The following TRARG1 variants were observed in gnomAD, a reference collection of about 807,000 sequenced individuals.
TRARG1 encodes the protein trafficking regulator of GLUT4 1.
TRARG1 carries 16 observed loss-of-function variants against 13.3 expected under a neutral mutation model. The observed-to-expected ratio is 1.20, with a 90% CI of 0.81 to 1.83. The LOEUF (loss-of-function observed/expected upper bound fraction) is 1.83. TRARG1 is among the 40% of genes most tolerant of loss of function. The pLI is 0.00. For synonymous variants in TRARG1, 113 were observed against 106.2 expected (o/e 1.06, Z -0.39); for missense variants, 250 against 237.4 (o/e 1.05, Z -0.35).
chr17:1,280,299 G>C lies in TRARG1; in HGVS notation c.298G>C (p.Ala100Pro). The C allele has an allele frequency of 1.9e-6, 3 of 1,613,970 alleles. No individual in the cohort carries two copies. The highest frequency in any genetic ancestry group is 2.5e-6 in the Non-Finnish European group (3 of 1,179,960). ...CACCTCCTATGCCCAAGACCAAGAA[G>C]CCCCCAGAGATTACCTCATCCTGGC... ...ATTSYAQDQE[A>P]PRDYLILAVV... Residue 100 changes from alanine (A) to proline (P), a missense_variant, in exon 1 of 3, where the codon GCC becomes CCC. Physicochemically the swap from Ala to Pro is conservative, Grantham distance 27 (BLOSUM62 -1). Coordinates refer to ENST00000333813, the MANE Select transcript of TRARG1 (RefSeq NM_172367.3).
rs2071964459 is a variant in TRARG1, at chr17:1,280,355, C to T, written c.354C>T (p.Pro118=). ...AVVACFCPVW[P]LNLIPLIISI... ...TCGCCTGCTTCTGCCCCGTCTGGCC[C>T]CTCAACCTCATCCCCCTCATCATTT... The change falls in exon 1 of 3, where the codon CCC becomes CCT. Residue 118 remains proline, a synonymous_variant. Transcript: ENST00000333813. 6 of 1,609,470 alleles carry T rather than the reference C, an allele frequency of 3.7e-6. No individual in the cohort carries two copies. In the South Asian group the frequency reaches 6.6e-5, roughly 18 times the overall value.
At chr17:1,285,450 C>T (rs1026678138) in intron 1 of TRARG1, among the ~76,000 whole-genome samples, 19 of 150,254 alleles carry the variant, frequency 1.3e-4, no homozygotes, top group African/African-American at 4.2e-4. Context: ...CTCACACCTG[C>T]AATCCCAGCA....
intron 2 of TRARG1, among the ~76,000 whole-genome samples, chr17:1,297,628 G>A (rs1468429100): frequency 7.4e-6 from 1 of 135,576 alleles, no homozygotes; most frequent in Non-Finnish European, 1.5e-5. Flanking sequence ...TCCCCAGACA[G>A]AGTCTTGCTC....
chr17:1,287,448 C>T (rs925897393), intron 1 of TRARG1, among the ~76,000 whole-genome samples: 2 of 151,812 alleles, frequency 1.3e-5, no homozygotes, highest in East Asian at 1.9e-4. Context: ...GCAAGCTCCG[C>T]TTCCCAGGTT....
chr17:1,299,945 C>G lies in TRARG1; in HGVS notation c.*1681C>G, dbSNP rs1048055863. ...GTCTATGCACAGCTGGAGCTCTGAG[C>G]CTTCCACAGCCCGTGTGACTGCTAG... On this transcript the variant is annotated 3_prime_UTR_variant, in exon 3 of 3. Coordinates refer to ENST00000333813, the MANE Select transcript of TRARG1 (RefSeq NM_172367.3). 1 of 152,502 alleles carries G rather than the reference C, an allele frequency of 6.6e-6. No homozygotes were observed. Among genetic ancestry groups the G allele is most frequent in the Non-Finnish European group, 1.5e-5 (1 of 68,318 alleles). The allele number at this position is 152,502 out of a possible 1,614,324, so 9.4% of individuals were successfully genotyped here.
At chr17:1,292,522 C>T (rs1346628204) in intron 1 of TRARG1, among the ~76,000 whole-genome samples, 1 of 152,212 alleles carries the variant, frequency 6.6e-6, no homozygotes. Context: ...CTCCCTCCAT[C>T]AGCCCCAGCA....
Position 1,280,265 on chromosome 17 carries a change from C to T in TRARG1, c.264C>T (p.Ser88=). Residue 88 remains serine (S), a synonymous_variant, in exon 1 of 3, where the codon TCC becomes TCT. Coordinates refer to ENST00000333813, the MANE Select transcript of TRARG1 (RefSeq NM_172367.3). The part of the protein sequence containing the change: ...PSRASSRRAS[S]IATTSYAQDQ... ...GGGCCAGCTCAAGGAGGGCGTCCTC[C>T]ATCGCCACCACCTCCTATGCCCAAG... 6.2e-7 allele frequency: 1 copy of T among 1,614,114 alleles called. No homozygotes were observed. The highest frequency in any genetic ancestry group is 8.5e-7 in the Non-Finnish European group (1 of 1,180,016).
At position 1,294,468 on chromosome 17, in the gene TRARG1, C is replaced by CTTTTTTT. The variant is rs542504095; in HGVS notation, c.388-1010_388-1004dup. On this transcript the variant is annotated intron_variant, in intron 1 of 2. Transcript: ENST00000333813. ...GAAATGGAGGCTGTGAAGACAGTGT[C>CTTTTTTT]TTTTTTTTTTTTTTTTTTTGAGGCA... is the stretch of plus-strand genomic sequence containing the variant. Among the ~76,000 whole-genome samples the CTTTTTTT allele has an allele frequency of 6.7e-3, 761 of 113,274 alleles. 16 individuals are homozygous for CTTTTTTT. Among genetic ancestry groups the CTTTTTTT allele is most frequent in the Non-Finnish European group, 7.7e-3 (451 of 58,586 alleles). 74.3% of individuals were successfully genotyped at this position (113,274 alleles called of 152,430 possible). A position where few individuals can be genotyped will look rare whatever the true frequency, so the allele number is the denominator to read the frequency against.
intron 1 of TRARG1, among the ~76,000 whole-genome samples, chr17:1,283,167 T>C (rs2071996294): frequency 6.6e-6 from 1 of 152,158 alleles, no homozygotes; most frequent in African/African-American, 2.4e-5. Context: ...GTTAAGATAA[T>C]GAGCTGGGAA....
In TRARG1 at chr17:1,280,148, G is replaced by A. The variant is rs773347141; in HGVS notation, c.147G>A (p.Gly49=). Residue 49 remains glycine, a synonymous_variant, in exon 1 of 3, where the codon GGG becomes GGA. Coordinates refer to ENST00000333813, the MANE Select transcript of TRARG1 (RefSeq NM_172367.3). ...TGAATCTGTCCAAGACCCTCTCGGG[G>A]CCTCTGGATCTGGAGCAGAACAGCC... ...KTLNLSKTLS[G]PLDLEQNSQG... 4 of 1,613,872 alleles carry A rather than the reference G, an allele frequency of 2.5e-6. No homozygotes were observed. The highest frequency in any genetic ancestry group is 3.4e-6 in the Non-Finnish European group (4 of 1,180,016).
chr17:1,294,263 G>A (rs11656050), intron 1 of TRARG1, among the ~76,000 whole-genome samples: 72,685 of 151,632 alleles, frequency 0.48, 18,034 homozygotes, highest in African/African-American at 0.61. Context: ...ATCCGTTTTA[G>A]CCGTTGAACT....
Position 1,279,800 on chromosome 17 carries a change from G to C in TRARG1, c.-202G>C. The C allele has an allele frequency of 1.8e-6, 1 of 546,948 alleles. No homozygotes were observed. Among genetic ancestry groups the C allele is most frequent in the Non-Finnish European group, 3.1e-6 (1 of 322,306 alleles). The allele number at this position is 546,948 out of a possible 1,614,324, so 33.9% of individuals were successfully genotyped here. On this transcript the variant is annotated 5_prime_UTR_variant, in exon 1 of 3. Transcript: ENST00000333813. ...TTCTGGGAGCTCCGCGGGGGCAGCA[G>C]GCAGGCCCCAGCCTCTGAACTCAGC...
chr17:1,282,307 T>G (rs1444944934), intron 1 of TRARG1, among the ~76,000 whole-genome samples: 1 of 151,828 alleles, frequency 6.6e-6, no homozygotes, highest in South Asian at 2.1e-4. Context: ...TATATGTACA[T>G]ATGCGTATAT....
rs147948589 is a variant in TRARG1, at chr17:1,291,691, C to G, written c.388-3800C>G. On this transcript the variant is annotated intron_variant, in intron 1 of 2. Coordinates refer to ENST00000333813, the MANE Select transcript of TRARG1 (RefSeq NM_172367.3). ...TCATACCTAGCACGAGATACACGTT[C>G]AAAGAGTGCCAGCGTTGTTTATTCT... Among the ~76,000 whole-genome samples the G allele has an allele frequency of 4.3e-3, 647 of 152,234 alleles. 2 individuals are homozygous for G. Among genetic ancestry groups the G allele is most frequent in the African/African-American group, 0.014 (566 of 41,544 alleles).
intron 1 of TRARG1, among the ~76,000 whole-genome samples, chr17:1,284,539 AG>A (rs2072006822): frequency 6.6e-6 from 1 of 152,210 alleles, no homozygotes; most frequent in African/African-American, 2.4e-5. Flanking sequence ...ACAGGGCCAG[AG>A]GTGGCTCTGA....
intron 1 of TRARG1, among the ~76,000 whole-genome samples, chr17:1,282,181 C>G (rs1055720243): frequency 2.1e-5 from 3 of 141,402 alleles, no homozygotes; most frequent in African/African-American, 2.9e-5. Flanking sequence ...TATACACGTG[C>G]GTATATGTAC....
At chr17:1,282,114 A>G (rs1018130175) in intron 1 of TRARG1, among the ~76,000 whole-genome samples, 1 of 114,642 alleles carries the variant, frequency 8.7e-6, no homozygotes, top group African/African-American at 3.4e-5. Context: ...GTACACATAA[A>G]TGCACATATG....
chr17:1,282,234 A>G (rs201756607), intron 1 of TRARG1, among the ~76,000 whole-genome samples: 1,356 of 126,456 alleles, frequency 0.011, 43 homozygotes, highest in East Asian at 0.035. Context: ...GCGTATATGT[A>G]CGTATATGCA....
intron 1 of TRARG1, among the ~76,000 whole-genome samples, chr17:1,294,690 TC>T (rs1441550981): frequency 5.4e-5 from 5 of 92,536 alleles, no homozygotes; most frequent in Non-Finnish European, 1.1e-4. Flanking sequence ...GGTCTCAAAC[TC>T]TTTTTTTTTT....
Sources: gnomAD v4.1 joint callset for allele counts (sites outside exome capture counted in the v4.1 genomes callset) on GRCh38, gnomAD v4.1.1 for gene constraint, MANE v1.5 for transcripts, NCBI Gene and HGNC (gene_info 2026-07-23, HGNC 2026-07-21) for gene names.